The following ANKMY1 variants were observed in gnomAD, a reference collection of about 807,000 sequenced individuals.
ANKMY1 encodes the protein ankyrin repeat and MYND domain containing 1, also known as ankyrin repeat and MYND domain-containing protein 1.
ANKMY1 carries 98 observed loss-of-function variants against 102.0 expected under a neutral mutation model. That is an observed-to-expected ratio of 0.96 (90% CI 0.82 to 1.14). ANKMY1 has a LOEUF of 1.14. Ranked by LOEUF, ANKMY1 falls within the 50% of genes most tolerant of loss-of-function variation. The pLI is 0.00. For synonymous variants in ANKMY1, 582 were observed against 559.9 expected, an observed-to-expected ratio of 1.04 and a Z score of -0.56; for missense variants, 1,330 against 1,347.6, an observed-to-expected ratio of 0.99 and a Z score of 0.20.
chr2:240,525,876 G>C (rs1356411413), intron 6 of ANKMY1, 27 bp from the exon 7 acceptor site: 7 of 1,609,874 alleles, frequency 4.3e-6, no homozygotes, highest in Non-Finnish European at 5.9e-6. Context: ...CAGGACTCAG[G>C]ATGATGCACC....
chr2:240,517,226 A>C (rs1412902372), intron 9 of ANKMY1, among the ~76,000 whole-genome samples: 1 of 152,242 alleles, frequency 6.6e-6, no homozygotes, highest in African/African-American at 2.4e-5. Flanking sequence ...TGAGAAATTG[A>C]GATTGACTTT....
In ANKMY1 at chr2:240,525,736, G is replaced by A. The variant is rs752308615; in HGVS notation, c.1284C>T (p.Pro428=). The change falls in exon 7 of 18, where the codon CCC becomes CCT. Residue 428 remains proline, a synonymous_variant. Coordinates refer to ENST00000401804, the MANE Select transcript of ANKMY1 (RefSeq NM_001282771.3). ...ALSMCFLLHY[P]AQSFKPNVAE... ...CAACATTGGGCTTGAAGGACTGGGC[G>A]GGGTAGTGGAGGAGGAAACACATGC... The A allele has an allele frequency of 5.5e-5, 89 of 1,614,032 alleles. No individual in the cohort carries two copies. The highest frequency in any genetic ancestry group is 3.3e-4 in the Middle Eastern group (2 of 6,084).
intron 7 of ANKMY1, among the ~76,000 whole-genome samples, chr2:240,524,975 T>C (rs531118632): frequency 6.6e-5 from 10 of 152,352 alleles, no homozygotes; most frequent in African/African-American, 2.4e-4. Flanking sequence ...TGGATAAACA[T>C]AGAAATCGAC....
chr2:240,497,286 G>T (rs2077391974), intron 15 of ANKMY1, among the ~76,000 whole-genome samples: 1 of 152,056 alleles, frequency 6.6e-6, no homozygotes, highest in African/African-American at 2.4e-5. Context: ...GCCACCTCCT[G>T]GCCATCTTGG....
Position 240,481,101 on chromosome 2 carries a change from C to T in ANKMY1, c.2886-4G>A. The T allele has an allele frequency of 6.2e-7, 1 of 1,604,552 alleles. No individual in the cohort carries two copies. The highest frequency in any genetic ancestry group is 8.5e-7 in the Non-Finnish European group (1 of 1,172,344). On this transcript the variant is annotated splice_polypyrimidine_tract_variant and splice_region_variant and intron_variant, in intron 16 of 17. Coordinates refer to ENST00000401804, the MANE Select transcript of ANKMY1 (RefSeq NM_001282771.3). ...GCAGAACTTGAAGAAGGGAATTCTG[C>T]AACAGAGCCTCACCGTCAGCAGGCG... is the stretch of plus-strand genomic sequence containing the variant.
At chr2:240,486,322 CATAAT>C (rs1007868571) in intron 15 of ANKMY1, among the ~76,000 whole-genome samples, 17 of 152,050 alleles carry the variant, frequency 1.1e-4, no homozygotes, top group African/African-American at 3.6e-4. Flanking sequence ...CACACACACA[CATAAT>C]ATATAAATTC....
the ANKMY1 span, among the ~76,000 whole-genome samples, chr2:240,469,787 C>T: frequency 6.6e-6 from 1 of 152,274 alleles, no homozygotes; most frequent in East Asian, 1.9e-4. Context: ...CATGCCCATG[C>T]ACATGTGCAC....
intron 15 of ANKMY1, among the ~76,000 whole-genome samples, chr2:240,486,425 T>C (rs1197648995): frequency 6.6e-6 from 1 of 152,250 alleles, no homozygotes; most frequent in African/African-American, 2.4e-5. Context: ...GAAATATGCA[T>C]TTATATTCTT....
chr2:240,499,846 G>T lies in ANKMY1; in HGVS notation c.2806+112C>A. The T allele has an allele frequency of 7.3e-7, 1 of 1,363,542 alleles. No homozygotes were observed. The highest frequency in any genetic ancestry group is 9.8e-7 in the Non-Finnish European group (1 of 1,025,036). The allele number at this position is 1,363,542 out of a possible 1,614,324, so 84.5% of individuals were successfully genotyped here. A position where few individuals can be genotyped will look rare whatever the true frequency, so the allele number is the denominator to read the frequency against. ...GGACAAGCCGACGAGCCCAGCCCCA[G>T]GAAGGCCCCTCCAAGAGCCCCAGGG... On this transcript the variant is annotated intron_variant, in intron 15 of 17. Coordinates refer to ENST00000401804, the MANE Select transcript of ANKMY1 (RefSeq NM_001282771.3). This position sits in a 1 kb window ranked among gnomAD's most constrained non-coding sequence, Gnocchi z 4.2.
intron 4 of ANKMY1, among the ~76,000 whole-genome samples, chr2:240,542,356 T>G (rs544510997): frequency 6.6e-6 from 1 of 151,580 alleles, no homozygotes; most frequent in Admixed American, 6.6e-5. Context: ...AATACAAAAA[T>G]TAGCCGGGTG....
upstream of ANKMY1, chr2:240,560,488 C>T (rs1179662656): frequency 1.2e-6 from 1 of 803,452 alleles, no homozygotes; most frequent in Non-Finnish European, 1.7e-6. Flanking sequence ...ATGCCCCGGC[C>T]CCAACGAGAC....
upstream of ANKMY1, chr2:240,560,611 T>C (rs1271736445): frequency 1.5e-6 from 2 of 1,357,810 alleles, no homozygotes; most frequent in Admixed American, 3.6e-5. Context: ...CTCCCACAAA[T>C]AGACTCCTGG....
downstream of ANKMY1, chr2:240,479,295 C>T (rs1271839398): frequency 7.4e-6 from 3 of 406,806 alleles, no homozygotes; most frequent in South Asian, 8.3e-5. Context: ...TCACCTGCCT[C>T]GTCCATCAGG....
intron 9 of ANKMY1, chr2:240,519,800 CCT>C (rs923751503): frequency 1.4e-5 from 3 of 214,064 alleles, no homozygotes; most frequent in Non-Finnish European, 2.9e-5. Context: ...AGCAAAATGC[CCT>C]GTGAAGCCGC....
Position 240,500,000 on chromosome 2 carries a change from C to G in ANKMY1, c.2764G>C (p.Glu922Gln). The G allele has an allele frequency of 6.2e-7, 1 of 1,613,026 alleles. No homozygotes were observed. Among genetic ancestry groups the G allele is most frequent in the South Asian group, 1.1e-5 (1 of 91,038 alleles). Residue 922 changes from glutamate to glutamine, a missense_variant, in exon 15 of 18, where the codon GAG becomes CAG. By Grantham distance (29) the Glu-to-Gln change is conservative. Coordinates refer to ENST00000401804, the MANE Select transcript of ANKMY1 (RefSeq NM_001282771.3). This position sits in a 1 kb window ranked among gnomAD's most constrained non-coding sequence, Gnocchi z 4.2. ...LQLRQAVFAK[E>Q]SQWDPTWLYL... is the part of the protein sequence containing the mutation. ...AGCCACGTGGGGTCCCACTGGCTCT[C>G]CTTGGCAAAGACAGCCTGCCGTAGC...
chr2:240,484,302 T>C (rs567184463), intron 15 of ANKMY1, among the ~76,000 whole-genome samples: 13 of 152,226 alleles, frequency 8.5e-5, no homozygotes, highest in African/African-American at 3.1e-4. Context: ...CTTCAAACTA[T>C]ACTACAAGGC....
intron 9 of ANKMY1, among the ~76,000 whole-genome samples, chr2:240,518,990 C>T (rs879286473): frequency 6.6e-6 from 1 of 152,206 alleles, no homozygotes; most frequent in Admixed American, 6.5e-5. Flanking sequence ...CCAGAGAGAG[C>T]CATCAGCTCT....
rs1301514019 is a variant in ANKMY1 at position 240,506,999 on chromosome 2, C to G, written c.2526+561G>C. Reference sequence around the variant, plus strand: ...GCCCCAAACCCCCGCCCAGCAGCTGCGTGGACCACTGAGAAAGCCAGAATT... The same window carrying G: ...GCCCCAAACCCCCGCCCAGCAGCTGGGTGGACCACTGAGAAAGCCAGAATT... On this transcript the variant is annotated intron_variant, in intron 13 of 17. Coordinates refer to ENST00000401804, the MANE Select transcript of ANKMY1 (RefSeq NM_001282771.3). This position sits in a 1 kb window ranked among gnomAD's most constrained non-coding sequence, Gnocchi z 4.9. 1.3e-5 allele frequency among the ~76,000 whole-genome samples: 2 copies of G among 152,086 alleles called. No individual in the cohort carries two copies. Among genetic ancestry groups the G allele is most frequent in the African/African-American group, 4.8e-5 (2 of 41,412 alleles).
intron 15 of ANKMY1, among the ~76,000 whole-genome samples, chr2:240,492,290 C>T (rs2076742829): frequency 6.6e-6 from 1 of 152,224 alleles, no homozygotes; most frequent in Non-Finnish European, 1.5e-5. Context: ...CCACACCTGG[C>T]CCTACTTCAT....
Sources: allele counts gnomAD v4.1 joint callset (sites outside exome capture counted in the v4.1 genomes callset), GRCh38; gene constraint gnomAD v4.1.1; non-coding constraint Gnocchi (gnomAD v3.1); transcripts MANE v1.5; gene names NCBI Gene and HGNC (gene_info 2026-07-23, HGNC 2026-07-21).